The following ASAP1 variants were observed in gnomAD, a reference collection of about 807,000 sequenced individuals.
ASAP1 encodes ArfGAP with SH3 domain, ankyrin repeat and PH domain 1.
Under a neutral mutation model 145.2 loss-of-function variants are expected in ASAP1, and 43 were observed. That is an observed-to-expected ratio of 0.30 (90% CI 0.23 to 0.38). The LOEUF is 0.38. Among genes scored for constraint, ASAP1 ranks in the 10% least tolerant of loss-of-function variants. The probability of loss-of-function intolerance (pLI) is 1.00; values close to 1 mark genes in which losing one functional copy is unlikely to be tolerated. For missense variants in ASAP1, 1,018 were observed against 1,355.3 expected (o/e 0.75, Z 3.91); for synonymous variants, 546 against 515.5 (o/e 1.06, Z -0.80).
intron 1 of ASAP1, among the ~76,000 whole-genome samples, chr8:130,406,242 G>T (rs1829021532): frequency 6.8e-6 from 1 of 146,026 alleles, no homozygotes; most frequent in African/African-American, 2.6e-5. Flanking sequence ...TGATCTTAAA[G>T]GACTAATATT....
At chr8:130,071,061 C>A (rs1429545869) in intron 27 of ASAP1, among the ~76,000 whole-genome samples, 2 of 115,704 alleles carry the variant, frequency 1.7e-5, no homozygotes, top group African/African-American at 3.8e-5. Context: ...CAGAGTTTCC[C>A]CAAATCATCT....
chr8:130,277,440 G>A (rs140890547), intron 3 of ASAP1, among the ~76,000 whole-genome samples: 2 of 152,206 alleles, frequency 1.3e-5, no homozygotes, highest in East Asian at 1.9e-4. Context: ...AAGTTCAGTA[G>A]AAAAAATACA....
At chr8:130,413,269 A>T (rs1352621789) in intron 1 of ASAP1, among the ~76,000 whole-genome samples, 2 of 152,214 alleles carry the variant, frequency 1.3e-5, no homozygotes, top group South Asian at 2.1e-4. Context: ...CTAAAAAAAG[A>T]TCTTTAACAC....
chr8:130,266,541 T>C (rs914690280), intron 3 of ASAP1, among the ~76,000 whole-genome samples: 6 of 152,110 alleles, frequency 3.9e-5, no homozygotes, highest in African/African-American at 1.4e-4. Flanking sequence ...TGGAAGGTAA[T>C]GACTCACATC....
Position 130,300,153 on chromosome 8 carries a change from C to CACACAG in ASAP1, c.186+57863_186+57864insCTGTGT, listed in dbSNP as rs1196584279. The stretch of plus-strand genomic sequence containing the variant: ...ACACACACACACACACACACACACA[C>CACACAG]AGAGAGAGAGAGAGAGAGAGAGAGA... On this transcript the variant is annotated intron_variant, in intron 3 of 29. Transcript: ENST00000518721. Among the ~76,000 whole-genome samples the CACACAG allele has an allele frequency of 1.7e-3, 130 of 76,888 alleles. 1 individual carries two copies. The highest frequency in any genetic ancestry group is 3.8e-3 in the South Asian group (7 of 1,822). The allele number at this position is 76,888 out of a possible 152,430, so 50.4% of individuals were successfully genotyped here.
rs750333713 is a variant in ASAP1, at chr8:130,082,557, G to A, written c.2573-2586C>T. ...CTTGCTCTGTCACCCAGGTGGGAGT[G>A]CAGTGGCATAATCATAGCTCACTGC... On this transcript the variant is annotated intron_variant, in intron 25 of 29. Transcript: ENST00000518721. Among the ~76,000 whole-genome samples the A allele has an allele frequency of 1.0e-3, 151 of 148,012 alleles. 2 individuals are homozygous for A. The highest frequency in any genetic ancestry group is 1.3e-4 in the Non-Finnish European group (9 of 67,264).
At chr8:130,318,331 C>T (rs757927663) in intron 3 of ASAP1, among the ~76,000 whole-genome samples, 9 of 152,358 alleles carry the variant, frequency 5.9e-5, no homozygotes, top group Middle Eastern at 6.8e-3. Context: ...ATCCTCCTGC[C>T]TTGGCCTCCC....
chr8:130,126,180 T>A, intron 16 of ASAP1, 91 bp from the exon 17 acceptor site: 4 of 1,208,216 alleles, frequency 3.3e-6, no homozygotes, highest in Non-Finnish European at 4.6e-6. Context: ...TAGTACAAAT[T>A]GTTAAGAACT....
chr8:130,184,408 G>A (rs764030031), intron 7 of ASAP1, among the ~76,000 whole-genome samples: 2 of 152,126 alleles, frequency 1.3e-5, no homozygotes, highest in African/African-American at 4.8e-5. Context: ...AAAGGGGAGG[G>A]ACTAACAGGA....
intron 13 of ASAP1, among the ~76,000 whole-genome samples, chr8:130,150,807 G>C (rs2097644510): frequency 6.6e-6 from 1 of 152,128 alleles, no homozygotes; most frequent in South Asian, 2.1e-4. Context: ...TTGGGCCCAG[G>C]ATGCAGAGGT....
chr8:130,315,758 A>G (rs905918561), intron 3 of ASAP1, among the ~76,000 whole-genome samples: 1 of 152,196 alleles, frequency 6.6e-6, no homozygotes, highest in Admixed American at 6.5e-5. Context: ...GTACAGAGGA[A>G]ATTGGAAAAT....
rs906432049 is a variant in ASAP1, at chr8:130,298,187, G to A, written c.186+59830C>T. On this transcript the variant is annotated intron_variant, in intron 3 of 29. Transcript: ENST00000518721. ...ACTGCACAACCAATCCAACACTTTA[G>A]CCCAGTGTCTGGGAGCCAAGGGAAG... Among the ~76,000 whole-genome samples, 9 of 152,230 alleles carry A rather than the reference G, an allele frequency of 5.9e-5. No homozygotes were observed. In the South Asian group the frequency reaches 6.2e-4, roughly 11 times the overall value.
intron 3 of ASAP1, among the ~76,000 whole-genome samples, chr8:130,347,758 A>C (rs1232186331): frequency 1.3e-5 from 2 of 152,166 alleles, no homozygotes; most frequent in Non-Finnish European, 2.9e-5. Flanking sequence ...TCAGGCAGAC[A>C]CCAATGTGGT....
chr8:130,080,214 A>G (rs1435125020), intron 25 of ASAP1, among the ~76,000 whole-genome samples: 1 of 152,212 alleles, frequency 6.6e-6, no homozygotes, highest in East Asian at 1.9e-4. Context: ...CTCTGTGGCA[A>G]GGCCTCAAAG....
At chr8:130,371,003 A>G (rs1827188945) in intron 2 of ASAP1, among the ~76,000 whole-genome samples, 2 of 152,246 alleles carry the variant, frequency 1.3e-5, no homozygotes. Flanking sequence ...TGAATACACT[A>G]AAAACCACTG....
chr8:130,351,442 T>C (rs1825987202), intron 3 of ASAP1, among the ~76,000 whole-genome samples: 1 of 152,150 alleles, frequency 6.6e-6, no homozygotes. Flanking sequence ...CAAAGATATA[T>C]ATATAAGGTG....
At chr8:130,324,525 T>C (rs139602175) in intron 3 of ASAP1, among the ~76,000 whole-genome samples, 1 of 152,300 alleles carries the variant, frequency 6.6e-6, no homozygotes, top group East Asian at 1.9e-4. Flanking sequence ...CAAACTGACT[T>C]GGGCAAGTAC....
chr8:130,344,937 T>C (rs1013577838), intron 3 of ASAP1, among the ~76,000 whole-genome samples: 6 of 152,340 alleles, frequency 3.9e-5, no homozygotes, highest in South Asian at 2.1e-4. Context: ...CCTAAAGGTA[T>C]TGTTTTAGTT....
At chr8:130,147,982 A>G (rs554724129) in intron 13 of ASAP1, among the ~76,000 whole-genome samples, 2 of 152,236 alleles carry the variant, frequency 1.3e-5, no homozygotes, top group Non-Finnish European at 2.9e-5. Context: ...CATCTGAAAG[A>G]TGTAATGCAT....
Sources: allele counts gnomAD v4.1 joint callset (sites outside exome capture counted in the v4.1 genomes callset), GRCh38; gene constraint gnomAD v4.1.1; transcripts MANE v1.5; gene names NCBI Gene and HGNC (gene_info 2026-07-23, HGNC 2026-07-21).